The following ROBO2 variants were observed in gnomAD, a reference collection of about 807,000 sequenced individuals.
ROBO2 encodes roundabout guidance receptor 2.
A neutral mutation model predicts 160.8 loss-of-function variants in ROBO2; 53 were observed. The observed-to-expected ratio is 0.33, with a 90% CI of 0.26 to 0.41. The LOEUF is 0.41. Among genes scored for constraint, ROBO2 ranks in the 10% least tolerant of loss-of-function variants. ROBO2 has a pLI of 1.00. For missense variants in ROBO2, 1,577 were observed against 1,722.4 expected (o/e 0.92, Z 1.49); for synonymous variants, 664 against 611.7 (o/e 1.09, Z -1.26).
At chr3:77,062,164 C>T (rs1306172537) in intron 1 of ROBO2, among the ~76,000 whole-genome samples, 3 of 152,074 alleles carry the variant, frequency 2.0e-5, no homozygotes, top group African/African-American at 7.2e-5. Flanking sequence ...CCCATTGTGG[C>T]CACCAAAATT....
chr3:77,167,516 C>T (rs1491003602), intron 2 of ROBO2, among the ~76,000 whole-genome samples: 1 of 152,064 alleles, frequency 6.6e-6, no homozygotes, highest in Non-Finnish European at 1.5e-5. Flanking sequence ...TTTCCTTGAG[C>T]TCCCAGCATA....
Position 76,869,342 on chromosome 3 carries a change from GTT to G in ROBO2, c.110-228648_110-228647del, listed in dbSNP as rs34051755. On this transcript the variant is annotated intron_variant, in intron 2 of 26. Coordinates refer to the ROBO2 transcript ENST00000487694. ...TTTTATGTGCCTAGTAGAAATTGATGTTTTTTTTTTTTTTTTTTTTTTTTTGA... is the reference window on the plus strand; with the variant it reads ...TTTTATGTGCCTAGTAGAAATTGATGTTTTTTTTTTTTTTTTTTTTTTTGA... 3.5e-4 allele frequency among the ~76,000 whole-genome samples: 25 copies of G among 71,384 alleles called. No homozygotes were observed. The East Asian group carries it at 9.2e-3, about 26-fold the overall frequency. The allele number at this position is 71,384 out of a possible 152,430, so 46.8% of individuals were successfully genotyped here.
chr3:77,378,949 CTT>C (rs759492704), intron 2 of ROBO2, among the ~76,000 whole-genome samples: 25 of 142,428 alleles, frequency 1.8e-4, no homozygotes, highest in Admixed American at 2.8e-4. Flanking sequence ...TCTGTGTCTT[CTT>C]TTTTTTTTTT....
intron 2 of ROBO2, among the ~76,000 whole-genome samples, chr3:76,600,963 C>T (rs1379922959): frequency 6.6e-6 from 1 of 152,180 alleles, no homozygotes; most frequent in Non-Finnish European, 1.5e-5. Flanking sequence ...GGGTTATGGG[C>T]ATTGGATAAA....
At chr3:75,957,378 A>G (rs1264952440) in intron 2 of ROBO2, among the ~76,000 whole-genome samples, 1 of 151,744 alleles carries the variant, frequency 6.6e-6, no homozygotes. Flanking sequence ...CCTAAAATAT[A>G]ACTCATTTTT....
intron 2 of ROBO2, among the ~76,000 whole-genome samples, chr3:77,463,575 G>T (rs1049451866): frequency 1.3e-5 from 2 of 151,450 alleles, no homozygotes; most frequent in African/African-American, 4.9e-5. Flanking sequence ...TATTATTATT[G>T]TTATTATTAT....
At chr3:77,487,769 G>A (rs755434490) in intron 4 of ROBO2, among the ~76,000 whole-genome samples, 12 of 152,044 alleles carry the variant, frequency 7.9e-5, no homozygotes, top group Non-Finnish European at 1.2e-4. Context: ...ACATAGCTTT[G>A]GTCTTACAGG....
At chr3:76,558,070 T>A (rs1299998106) in intron 2 of ROBO2, among the ~76,000 whole-genome samples, 2 of 151,972 alleles carry the variant, frequency 1.3e-5, no homozygotes, top group African/African-American at 4.8e-5. Flanking sequence ...GTATTGTTGT[T>A]TAAGATAATA....
At chr3:76,767,039 C>A (rs1483498280) in intron 2 of ROBO2, among the ~76,000 whole-genome samples, 2 of 151,248 alleles carry the variant, frequency 1.3e-5, no homozygotes, top group Non-Finnish European at 3.0e-5. Flanking sequence ...AAATGAATTA[C>A]CTAAAAATGA....
intron 2 of ROBO2, among the ~76,000 whole-genome samples, chr3:77,115,915 G>A (rs770870474): frequency 1.3e-5 from 2 of 152,104 alleles, no homozygotes; most frequent in Non-Finnish European, 2.9e-5. Flanking sequence ...GAGATCTAGC[G>A]ACATCATGAC....
chr3:76,358,072 A>G (rs1329106604), intron 2 of ROBO2, among the ~76,000 whole-genome samples: 4 of 151,904 alleles, frequency 2.6e-5, no homozygotes, highest in African/African-American at 9.7e-5. Context: ...TTAAGATACA[A>G]TACTCTAAGT....
intron 2 of ROBO2, among the ~76,000 whole-genome samples, chr3:76,277,934 T>G (rs1166944652): frequency 4.0e-5 from 6 of 151,860 alleles, no homozygotes; most frequent in South Asian, 2.1e-4. Flanking sequence ...TTTGTTTTTT[T>G]TTTTTAACAG....
At chr3:76,568,776 C>A (rs972041996) in intron 2 of ROBO2, among the ~76,000 whole-genome samples, 7 of 152,104 alleles carry the variant, frequency 4.6e-5, no homozygotes, top group Non-Finnish European at 8.8e-5. Flanking sequence ...TAAATTTAAT[C>A]TGAATCATTT....
At chr3:76,927,956 T>G (rs950002862) in intron 2 of ROBO2, among the ~76,000 whole-genome samples, 1 of 152,294 alleles carries the variant, frequency 6.6e-6, no homozygotes, top group Non-Finnish European at 1.5e-5. Flanking sequence ...TAATATTTTA[T>G]CCAAGAGCAA....
chr3:76,756,680 T>G (rs7643190), intron 2 of ROBO2, among the ~76,000 whole-genome samples: 7,871 of 151,910 alleles, frequency 0.052, 272 homozygotes, highest in Middle Eastern at 0.14. Flanking sequence ...TTAGTATGTT[T>G]TCCTACTGGA....
chr3:77,202,379 A>G (rs2082995124), intron 2 of ROBO2, among the ~76,000 whole-genome samples: 1 of 152,200 alleles, frequency 6.6e-6, no homozygotes, highest in Non-Finnish European at 1.5e-5. Flanking sequence ...GAAATGCTGA[A>G]TGGTTTGAAG....
intron 2 of ROBO2, among the ~76,000 whole-genome samples, chr3:77,411,323 T>G (rs1012910843): frequency 6.6e-6 from 1 of 152,174 alleles, no homozygotes; most frequent in African/African-American, 2.4e-5. Context: ...TTAGCAATAT[T>G]TATTAAAATT....
At chr3:77,365,346 T>C (rs141188107) in intron 2 of ROBO2, among the ~76,000 whole-genome samples, 86 of 152,190 alleles carry the variant, frequency 5.7e-4, no homozygotes, top group Non-Finnish European at 1.6e-4. Context: ...CTGTCTTCTC[T>C]CAAGCAGGAA....
At chr3:76,176,650 T>G (rs1440471092) in intron 2 of ROBO2, among the ~76,000 whole-genome samples, 1 of 152,164 alleles carries the variant, frequency 6.6e-6, no homozygotes. Context: ...TCTGTTATCA[T>G]CTGGGAGACA....
Sources: allele counts gnomAD v4.1 joint callset (sites outside exome capture counted in the v4.1 genomes callset), GRCh38; gene constraint gnomAD v4.1.1; transcripts MANE v1.5; gene names NCBI Gene and HGNC (gene_info 2026-07-23, HGNC 2026-07-21).